Variants in PTPN3 observed in about 807,000 individuals in gnomAD.
PTPN3 encodes tyrosine-protein phosphatase non-receptor type 3.
In PTPN3, 96 loss-of-function variants were observed where a neutral mutation model predicts 132.7. The ratio of observed to expected loss-of-function variants is 0.72; its 90% CI spans 0.61 to 0.86. PTPN3 has a LOEUF of 0.86. PTPN3 is among the 40% of genes least tolerant of loss of function. PTPN3 has a pLI of 0.00. For missense variants in PTPN3, 1,125 were observed against 1,159.6 expected (o/e 0.97, Z 0.43); for synonymous variants, 398 against 429.0 (o/e 0.93, Z 0.89).
At position 109,408,359 on chromosome 9, in the gene PTPN3, T is replaced by C; in HGVS notation, c.1597A>G (p.Met533Val). 6.3e-7 allele frequency: 1 copy of C among 1,585,754 alleles called. No individual in the cohort carries two copies. The highest frequency in any genetic ancestry group is 2.3e-5 in the East Asian group (1 of 44,048). ...FNLKGGVDQK[M>V]PLVVSRINPE... ...TTTATCCTTGATACCACAAGAGGCA[T>C]CTTTTGATCCACTCCTCCCTGTAAA... The change falls in exon 17 of 26, where the codon ATG becomes GTG. Residue 533 changes from methionine (M) to valine (V), a missense_variant. Transcript: ENST00000374541.
intron 1 of PTPN3, among the ~76,000 whole-genome samples, chr9:109,489,736 A>G (rs1332114560): frequency 6.6e-6 from 1 of 151,962 alleles, no homozygotes; most frequent in Non-Finnish European, 1.5e-5. Context: ...TTGCCTCTCC[A>G]GTATCCCTGC....
chr9:109,398,633 TGTG>T (rs1306474615), intron 19 of PTPN3, among the ~76,000 whole-genome samples: 1 of 152,152 alleles, frequency 6.6e-6, no homozygotes, highest in African/African-American at 2.4e-5. Context: ...GGCATTCTCT[TGTG>T]GTGTTCCTCA....
chr9:109,507,693 T>A, the PTPN3 span, among the ~76,000 whole-genome samples: 1 of 152,214 alleles, frequency 6.6e-6, no homozygotes, highest in Non-Finnish European at 1.5e-5. Flanking sequence ...ACAGCAGAGT[T>A]CCTAAGGCAC....
intron 1 of PTPN3, among the ~76,000 whole-genome samples, chr9:109,482,500 T>C (rs922515686): frequency 1.3e-5 from 2 of 152,384 alleles, no homozygotes; most frequent in Non-Finnish European, 2.9e-5. Flanking sequence ...TTATTTTCTA[T>C]GATGAGCAAT....
At chr9:109,472,695 T>C (rs1231366281) in intron 1 of PTPN3, among the ~76,000 whole-genome samples, 5 of 152,210 alleles carry the variant, frequency 3.3e-5, no homozygotes, top group African/African-American at 4.8e-5. Context: ...CCTTCTGCCA[T>C]TTTTAGCCTG....
At chr9:109,478,777 C>T (rs964888394) in intron 1 of PTPN3, among the ~76,000 whole-genome samples, 4 of 152,204 alleles carry the variant, frequency 2.6e-5, no homozygotes, top group African/African-American at 9.7e-5. Context: ...CCCTGAGCAA[C>T]TCCCATGACC....
At chr9:109,446,821 C>T (rs1844894118) in intron 6 of PTPN3, among the ~76,000 whole-genome samples, 1 of 152,236 alleles carries the variant, frequency 6.6e-6, no homozygotes, top group Non-Finnish European at 1.5e-5. Context: ...TTCCTAAACA[C>T]ATCCCTTTCT....
At chr9:109,470,959 A>G (rs1174687451) in intron 1 of PTPN3, among the ~76,000 whole-genome samples, 1 of 152,242 alleles carries the variant, frequency 6.6e-6, no homozygotes, top group Non-Finnish European at 1.5e-5. Flanking sequence ...TTGTAAAACA[A>G]AAAATAATTT....
At chr9:109,475,271 T>C (rs893579735) in intron 1 of PTPN3, among the ~76,000 whole-genome samples, 3 of 152,340 alleles carry the variant, frequency 2.0e-5, no homozygotes, top group African/African-American at 7.2e-5. Context: ...CAAGGTTAAG[T>C]TTCTGTACAT....
Position 109,383,437 on chromosome 9 carries a change from C to A in PTPN3, c.2368G>T (p.Val790Phe). The stretch of plus-strand genomic sequence containing the variant: ...CTGCGGCTCACCTGGGTGTTTGTGA[C>A]CAGCATTTCTCGGGACACATAGGCG... ...TIAYVSREML[V>F]TNTQTGEEHT... Residue 790 changes from valine to phenylalanine, a missense_variant, in exon 23 of 26, where the codon GTC (valine) becomes TTC (phenylalanine). Transcript: ENST00000374541. 6.2e-7 allele frequency: 1 copy of A among 1,614,054 alleles called. No homozygotes were observed. The highest frequency in any genetic ancestry group is 1.3e-5 in the African/African-American group (1 of 74,996).
chr9:109,434,258 C>T (rs1286564029), intron 9 of PTPN3, among the ~76,000 whole-genome samples: 8 of 151,324 alleles, frequency 5.3e-5, no homozygotes, highest in Non-Finnish European at 3.0e-5. Context: ...ATCCTACAGC[C>T]TCAGTTCCCA....
At chr9:109,422,196 C>T (rs1842927744) in intron 13 of PTPN3, among the ~76,000 whole-genome samples, 2 of 152,214 alleles carry the variant, frequency 1.3e-5, no homozygotes. Context: ...GCCCTTCTCA[C>T]TTTACCAAAC....
intron 19 of PTPN3, among the ~76,000 whole-genome samples, chr9:109,395,476 A>G (rs1267930803): frequency 2.0e-5 from 3 of 152,084 alleles, no homozygotes; most frequent in African/African-American, 7.2e-5. Flanking sequence ...TTAAACATTT[A>G]GTTTCCTAAG....
At chr9:109,435,232 A>C (rs16914135) in intron 9 of PTPN3, among the ~76,000 whole-genome samples, 56,953 of 152,002 alleles carry the variant, frequency 0.37, 11,486 homozygotes, top group African/African-American at 0.51. Context: ...GCAGCATAGG[A>C]AGTTACTGTC....
chr9:109,415,533 T>A (rs540467983), intron 14 of PTPN3, among the ~76,000 whole-genome samples: 1 of 152,308 alleles, frequency 6.6e-6, no homozygotes, highest in Admixed American at 6.5e-5. Flanking sequence ...GGATGTGTAT[T>A]TCAGAATGAT....
chr9:109,457,022 A>G (rs1180267048), intron 4 of PTPN3, 151 bp downstream of exon 4: 2 of 738,710 alleles, frequency 2.7e-6, no homozygotes, highest in South Asian at 1.8e-5. Flanking sequence ...CTGACTCAGA[A>G]GTCAGACAGG....
At chr9:109,489,958 G>A (rs1847381291) in intron 1 of PTPN3, among the ~76,000 whole-genome samples, 2 of 152,046 alleles carry the variant, frequency 1.3e-5, no homozygotes, top group Non-Finnish European at 2.9e-5. Flanking sequence ...GAGGTAGGTG[G>A]ATCACTTGAG....
At chr9:109,382,262 G>T in intron 24 of PTPN3, 40 bp downstream of exon 24, 1 of 1,603,912 alleles carries the variant, frequency 6.2e-7, no homozygotes, top group South Asian at 1.1e-5. Context: ...TTTCCGACAG[G>T]GAAAGGATTC....
At chr9:109,492,396 A>G (rs1219274288) in intron 1 of PTPN3, among the ~76,000 whole-genome samples, 1 of 152,208 alleles carries the variant, frequency 6.6e-6, no homozygotes, top group African/African-American at 2.4e-5. Context: ...TTCAGTCCTG[A>G]GAACCGGGAC....
Sources: allele counts gnomAD v4.1 joint callset (sites outside exome capture counted in the v4.1 genomes callset), GRCh38; gene constraint gnomAD v4.1.1; transcripts MANE v1.5; gene names NCBI Gene and HGNC (gene_info 2026-07-23, HGNC 2026-07-21).